Variants in CNIH3 observed in about 807,000 individuals in gnomAD.
CNIH3 encodes cornichon family AMPA receptor auxiliary protein 3.
A neutral mutation model predicts 24.1 loss-of-function variants in CNIH3; 14 were observed. The ratio of observed to expected loss-of-function variants is 0.58; its 90% confidence interval spans 0.38 to 0.91. The LOEUF (loss-of-function observed/expected upper bound fraction) is 0.91, where lower values mean the gene tolerates loss of function less well. Among genes scored for constraint, CNIH3 ranks in the 40% least tolerant of loss-of-function variants. CNIH3 has a pLI of 0.00. For missense variants in CNIH3, 178 were observed against 196.8 expected, an observed-to-expected ratio of 0.90 and a Z score of 0.57; for synonymous variants, 68 against 73.8, an observed-to-expected ratio of 0.92 and a Z score of 0.40.
rs187848883 is a variant in CNIH3, at chr1:224,556,307, T to C, written n.450+9368T>C. On this transcript the variant is annotated intron_variant and non_coding_transcript_variant, in intron 3 of 5. Coordinates refer to the CNIH3 transcript ENST00000471578. Reference sequence around the variant, plus strand: ...GGATTCTCATCCTGTCTGTGGTACTTACTGTATGACCTTAGGCAAACCACT... The same window carrying C: ...GGATTCTCATCCTGTCTGTGGTACTCACTGTATGACCTTAGGCAAACCACT... Among the ~76,000 whole-genome samples the C allele has an allele frequency of 3.9e-5, 6 of 152,252 alleles. No homozygotes were observed. The East Asian group carries it at 9.7e-4, about 25-fold the overall frequency.
At position 224,617,333 on chromosome 1, in the gene CNIH3, C is replaced by G. The variant is rs1683057431; in HGVS notation, c.81+78C>G. On this transcript the variant is annotated intron_variant, in intron 1 of 5. Coordinates refer to ENST00000272133, the MANE Select transcript of CNIH3 (RefSeq NM_152495.2). Reference sequence around the variant, plus strand: ...CCCGATTTCACCCCACTTTTTCCACCTTGCGGGCGTGGGCGAACCGGAAGG... The same window carrying G: ...CCCGATTTCACCCCACTTTTTCCACGTTGCGGGCGTGGGCGAACCGGAAGG... 5 of 1,514,460 alleles carry G rather than the reference C, an allele frequency of 3.3e-6. No individual in the cohort carries two copies. The African/African-American group carries it at 5.5e-5, about 17-fold the overall frequency. The allele number at this position is 1,514,460 out of a possible 1,614,324, so 93.8% of individuals were successfully genotyped here. A position where few individuals can be genotyped will look rare whatever the true frequency, so the allele number is the denominator to read the frequency against.
chr1:224,575,262 A>G, intron 4 of CNIH3: 13 of 1,255,182 alleles, frequency 1.0e-5, no homozygotes, highest in Non-Finnish European at 1.5e-5. Context: ...TGAGAACTTT[A>G]AGGTCTTCAA....
At chr1:224,597,076 C>T (rs182784992) in intron 3 of CNIH3, among the ~76,000 whole-genome samples, 26 of 152,048 alleles carry the variant, frequency 1.7e-4, no homozygotes, top group Non-Finnish European at 3.4e-4. Flanking sequence ...TTCTTGAACC[C>T]GAGAGGTGCA....
chr1:224,610,209 G>C (rs1300577156), intron 3 of CNIH3, among the ~76,000 whole-genome samples: 2 of 152,202 alleles, frequency 1.3e-5, no homozygotes, highest in Non-Finnish European at 1.5e-5. Context: ...TGTATTAAAT[G>C]CATTTTGATG....
chr1:224,653,357 G>A (rs182762621), intron 1 of CNIH3, among the ~76,000 whole-genome samples: 2 of 150,846 alleles, frequency 1.3e-5, no homozygotes, highest in African/African-American at 4.9e-5. Context: ...AGGAGGCAGA[G>A]GTTGCAGTGA....
intron 4 of CNIH3, among the ~76,000 whole-genome samples, chr1:224,731,940 A>G (rs565930680): frequency 3.3e-5 from 5 of 152,330 alleles, no homozygotes; most frequent in East Asian, 3.9e-4. Context: ...AGCTGAGAGT[A>G]TGGTATGGAG....
chr1:224,623,764 C>T (rs1683393895), intron 1 of CNIH3, among the ~76,000 whole-genome samples: 1 of 152,158 alleles, frequency 6.6e-6, no homozygotes, highest in African/African-American at 2.4e-5. Context: ...TTCCTCCCCT[C>T]CTAGTTATCT....
At chr1:224,456,264 G>C (rs572344086) in intron 1 of CNIH3, among the ~76,000 whole-genome samples, 72 of 152,232 alleles carry the variant, frequency 4.7e-4, no homozygotes, top group Admixed American at 2.8e-3. Context: ...GCATAGCAAC[G>C]TTCCATCCAC....
chr1:224,716,873 C>T (rs769176169), intron 3 of CNIH3, among the ~76,000 whole-genome samples: 3 of 152,154 alleles, frequency 2.0e-5, no homozygotes, highest in African/African-American at 4.8e-5. Flanking sequence ...GCAGTGATGC[C>T]GTAAAGCTCC....
At chr1:224,521,546 G>A (rs919304337) in intron 2 of CNIH3, 7 of 152,180 alleles carry the variant, frequency 4.6e-5, no homozygotes, top group Admixed American at 6.5e-5. Flanking sequence ...CGGTCAGTGA[G>A]GTTTAATTTC....
intron 1 of CNIH3, among the ~76,000 whole-genome samples, chr1:224,443,849 A>G (rs914133012): frequency 2.0e-5 from 3 of 152,106 alleles, no homozygotes; most frequent in African/African-American, 7.2e-5. Context: ...TGAGGTCCCT[A>G]TAGCCTAGGG....
chr1:224,531,181 T>A (rs1300775481), intron 2 of CNIH3, among the ~76,000 whole-genome samples: 2 of 152,286 alleles, frequency 1.3e-5, no homozygotes, highest in East Asian at 3.9e-4. Context: ...GTGTCTTCAT[T>A]TATTTAGTAA....
At chr1:224,439,212 G>T (rs1018964420) in intron 1 of CNIH3, among the ~76,000 whole-genome samples, 1 of 152,148 alleles carries the variant, frequency 6.6e-6, no homozygotes, top group African/African-American at 2.4e-5. Context: ...TTCATGCCAT[G>T]GGCATTCAGT....
chr1:224,734,605 C>G lies in CNIH3; in HGVS notation c.354C>G (p.Asp118Glu), dbSNP rs770469088. 4 of 1,614,094 alleles carry G rather than the reference C, an allele frequency of 2.5e-6. No individual in the cohort carries two copies. ...CPADSSELAYDPPVVMNADTL... is the reference protein window; with the variant it reads ...CPADSSELAYEPPVVMNADTL... Reference sequence around the variant, plus strand: ...CAGATAGCTCAGAACTAGCCTACGACCCACCGGTGGTCATGAATGCCGACA... The same window carrying G: ...CAGATAGCTCAGAACTAGCCTACGAGCCACCGGTGGTCATGAATGCCGACA... Residue 118 changes from aspartate to glutamate, a missense_variant, in exon 5 of 6, where the codon GAC becomes GAG. Coordinates refer to ENST00000272133, the MANE Select transcript of CNIH3 (RefSeq NM_152495.2).
chr1:224,685,750 G>C (rs1268674930), intron 3 of CNIH3, among the ~76,000 whole-genome samples: 1 of 152,172 alleles, frequency 6.6e-6, no homozygotes, highest in Non-Finnish European at 1.5e-5. Flanking sequence ...TTCATTGAGA[G>C]AGAGCTTAAT....
chr1:224,688,683 C>G (rs975301917), intron 3 of CNIH3, among the ~76,000 whole-genome samples: 6 of 152,090 alleles, frequency 3.9e-5, no homozygotes, highest in African/African-American at 1.4e-4. Context: ...CGCGGTGGCT[C>G]ACATCTGTAA....
At chr1:224,583,278 A>G (rs1475200490) in intron 5 of CNIH3, 1 of 152,308 alleles carries the variant, frequency 6.6e-6, no homozygotes, top group Non-Finnish European at 1.5e-5. Flanking sequence ...GTGAGTTTCA[A>G]AGGACTAGGG....
At chr1:224,716,545 G>T (rs1688440173) in intron 3 of CNIH3, among the ~76,000 whole-genome samples, 1 of 152,170 alleles carries the variant, frequency 6.6e-6, no homozygotes. Flanking sequence ...GGGTTTTGGG[G>T]GCTGAGGGAG....
chr1:224,683,983 G>T (rs944474903), intron 2 of CNIH3, among the ~76,000 whole-genome samples: 16 of 152,226 alleles, frequency 1.1e-4, no homozygotes, highest in African/African-American at 3.9e-4. Flanking sequence ...GGCAAATGAA[G>T]TGTCCCAGCC....
Sources: allele counts gnomAD v4.1 joint callset (sites outside exome capture counted in the v4.1 genomes callset), GRCh38; gene constraint gnomAD v4.1.1; transcripts MANE v1.5; gene names NCBI Gene and HGNC (gene_info 2026-07-23, HGNC 2026-07-21).